The following CEP57L1 variants were observed in gnomAD, a reference collection of about 807,000 sequenced individuals.
CEP57L1 encodes centrosomal protein CEP57L1.
CEP57L1 carries 37 observed loss-of-function variants against 61.0 expected under a neutral mutation model. The observed-to-expected ratio is 0.61, with a 90% CI of 0.47 to 0.80. The LOEUF is 0.80. Among genes scored for constraint, CEP57L1 ranks in the 30% least tolerant of loss-of-function variants. The pLI, the probability that CEP57L1 is intolerant of heterozygous loss-of-function variation, is 0.00. For missense variants in CEP57L1, 422 were observed against 524.7 expected (o/e 0.80, Z 1.91); for synonymous variants, 137 against 162.3 (o/e 0.84, Z 1.19).
Position 109,168,345 on chromosome 6 carries a change from C to T in CEP57L1, c.*5375C>T, listed in dbSNP as rs1225413869. On this transcript the variant is annotated 3_prime_UTR_variant, in exon 11 of 11. Transcript: ENST00000517392. The stretch of plus-strand genomic sequence containing the variant: ...AGTAAATGGAGAAGTGGGGGAAAAT[C>T]AAGCAATAATCACTTAGACTAAAAC... Among the ~76,000 whole-genome samples the T allele has an allele frequency of 6.6e-6, 1 of 152,076 alleles. No individual in the cohort carries two copies. The highest frequency in any genetic ancestry group is 1.5e-5 in the Non-Finnish European group (1 of 68,004).
chr6:109,114,211 C>T (rs919407463), intron 1 of CEP57L1, among the ~76,000 whole-genome samples: 1 of 152,096 alleles, frequency 6.6e-6, no homozygotes, highest in Non-Finnish European at 1.5e-5. Flanking sequence ...ACATCCTTGC[C>T]AACATTTGTT....
chr6:109,116,115 A>ATG (rs1772243070), intron 1 of CEP57L1, among the ~76,000 whole-genome samples: 7 of 146,538 alleles, frequency 4.8e-5, no homozygotes, highest in South Asian at 2.1e-4. Context: ...ATTTTATTTT[A>ATG]TGTTATGTGT....
intron 7 of CEP57L1, chr6:109,158,675 T>C (rs935948513): frequency 2.1e-6 from 1 of 475,008 alleles, no homozygotes; most frequent in Non-Finnish European, 4.2e-6. Flanking sequence ...TGCCAAACTG[T>C]CTTCCAAAAT....
chr6:109,151,583 A>G (rs925367599), intron 4 of CEP57L1, among the ~76,000 whole-genome samples: 27 of 152,198 alleles, frequency 1.8e-4, no homozygotes, highest in Non-Finnish European at 8.8e-5. Context: ...CTTTCAGGAA[A>G]ATTAGGAAAC....
rs545014606 is a variant in CEP57L1 at position 109,159,840 on chromosome 6, A to G, written c.1016+378A>G. 5.3e-5 allele frequency among the ~76,000 whole-genome samples: 8 copies of G among 152,284 alleles called. 1 individual carries two copies. The South Asian group carries it at 1.7e-3, about 32-fold the overall frequency. On this transcript the variant is annotated intron_variant, in intron 9 of 10. Coordinates refer to ENST00000517392, the MANE Select transcript of CEP57L1 (RefSeq NM_001271852.3). ...ATCTGGACTGATAGATATTATTATC[A>G]TTCTAACATACAGGATCTGATGACC...
At chr6:109,112,248 T>A (rs1295000241) in intron 1 of CEP57L1, among the ~76,000 whole-genome samples, 3 of 152,208 alleles carry the variant, frequency 2.0e-5, no homozygotes, top group Non-Finnish European at 2.9e-5. Context: ...TGGTTTAGTC[T>A]TGGGAGGGTG....
rs1030535884 is a variant in CEP57L1, at chr6:109,173,302, C to T, written c.*10332C>T. Among the ~76,000 whole-genome samples, 2 of 151,944 alleles carry T rather than the reference C, an allele frequency of 1.3e-5. No homozygotes were observed. The highest frequency in any genetic ancestry group is 4.8e-5 in the African/African-American group (2 of 41,396). Reference sequence around the variant, plus strand: ...CTGAATCCTAAAAGGTCAGTTGGAACATGAGACCATTTAAAGAATATTATT... The same window carrying T: ...CTGAATCCTAAAAGGTCAGTTGGAATATGAGACCATTTAAAGAATATTATT... On this transcript the variant is annotated 3_prime_UTR_variant, in exon 11 of 11. Coordinates refer to ENST00000517392, the MANE Select transcript of CEP57L1 (RefSeq NM_001271852.3).
chr6:109,095,697 A>T, intron 1 of CEP57L1, 122 bp downstream of exon 1: 4 of 545,412 alleles, frequency 7.3e-6, no homozygotes, highest in Non-Finnish European at 9.4e-6. Context: ...GACTTTTTCC[A>T]GTGACTTGCG....
intron 1 of CEP57L1, chr6:109,140,447 T>G (rs1224854993): frequency 6.6e-6 from 1 of 150,470 alleles, no homozygotes; most frequent in Non-Finnish European, 1.5e-5. Context: ...TCACCCAGGC[T>G]GGAGTACAGT....
rs557844549 is a variant in CEP57L1, at chr6:109,136,700, TTTTTATTTTATTTTATTTTA to T, written c.-3-8475_-3-8456del. On this transcript the variant is annotated intron_variant, in intron 1 of 10. Transcript: ENST00000517392. ...AAAGAAGTCTGCTCTGAAACTTGTA[TTTTTATTTTATTTTATTTTA>T]TTTTATTTTATTTTATTTTATTTTA... Among the ~76,000 whole-genome samples, 275 of 115,858 alleles carry T rather than the reference TTTTTATTTTATTTTATTTTA, an allele frequency of 2.4e-3. 1 individual carries two copies. Among genetic ancestry groups the T allele is most frequent in the Non-Finnish European group, 2.9e-3 (160 of 55,558 alleles). The allele number at this position is 115,858 out of a possible 152,430, so 76.0% of individuals were successfully genotyped here. A position where few individuals can be genotyped will look rare whatever the true frequency, so the allele number is the denominator to read the frequency against.
Position 109,122,815 on chromosome 6 carries a change from A to G in CEP57L1, c.-3-22404A>G, listed in dbSNP as rs1349990602. Among the ~76,000 whole-genome samples the G allele has an allele frequency of 2.6e-5, 4 of 152,076 alleles. No individual in the cohort carries two copies. The East Asian group carries it at 7.7e-4, about 29-fold the overall frequency. On this transcript the variant is annotated intron_variant, in intron 1 of 10. Coordinates refer to ENST00000517392, the MANE Select transcript of CEP57L1 (RefSeq NM_001271852.3). ...GGGTGAGATTTTGTCTCAAAAGAAAAAAAAAGACTCATCAGACACTTACCC... is the reference window on the plus strand; with the variant it reads ...GGGTGAGATTTTGTCTCAAAAGAAAGAAAAAGACTCATCAGACACTTACCC...
intron 4 of CEP57L1, among the ~76,000 whole-genome samples, chr6:109,150,693 C>T (rs930924889): frequency 6.7e-6 from 1 of 149,380 alleles, no homozygotes; most frequent in Admixed American, 6.7e-5. Context: ...ATCTTAAAAG[C>T]ATCCAGAAAA....
chr6:109,119,983 G>A (rs1198731384), intron 1 of CEP57L1, among the ~76,000 whole-genome samples: 2 of 152,100 alleles, frequency 1.3e-5, no homozygotes, highest in Non-Finnish European at 2.9e-5. Context: ...CAAAAATTTG[G>A]ATGAAATATC....
rs75415411 is a variant in CEP57L1, at chr6:109,113,393, C to G, written c.-4+17818C>G. ...TTTATTGAGCCCCTGTGAACACATC[C>G]GAGAGATACATGATGAATAAAATAC... On this transcript the variant is annotated intron_variant, in intron 1 of 10. Transcript: ENST00000517392. Among the ~76,000 whole-genome samples the G allele has an allele frequency of 8.3e-3, 1,258 of 152,042 alleles. 22 individuals are homozygous for G. The highest frequency in any genetic ancestry group is 0.029 in the African/African-American group (1,207 of 41,468).
intron 9 of CEP57L1, 127 bp downstream of exon 9, chr6:109,159,589 A>G (rs1259574591): frequency 9.1e-6 from 7 of 773,070 alleles, no homozygotes; most frequent in Admixed American, 2.8e-5. Flanking sequence ...GATTACAAGC[A>G]TGAGCCACCG....
intron 1 of CEP57L1, among the ~76,000 whole-genome samples, chr6:109,098,161 T>A (rs906830345): frequency 6.6e-6 from 1 of 152,224 alleles, no homozygotes; most frequent in Non-Finnish European, 1.5e-5. Flanking sequence ...TCTCTCCCTC[T>A]GTCTCAACGG....
intron 1 of CEP57L1, among the ~76,000 whole-genome samples, chr6:109,101,956 T>C (rs760843005): frequency 4.6e-5 from 7 of 152,212 alleles, no homozygotes; most frequent in Non-Finnish European, 7.3e-5. Flanking sequence ...CCATTTTCTA[T>C]TTCCCACCAA....
chr6:109,141,277 G>A (rs1305173485), intron 1 of CEP57L1, among the ~76,000 whole-genome samples: 2 of 151,814 alleles, frequency 1.3e-5, no homozygotes, highest in Non-Finnish European at 2.9e-5. Context: ...GTGTAGTGGC[G>A]CAATCTCGGC....
At chr6:109,107,310 T>C (rs1771059935) in intron 1 of CEP57L1, among the ~76,000 whole-genome samples, 1 of 152,196 alleles carries the variant, frequency 6.6e-6, no homozygotes, top group Non-Finnish European at 1.5e-5. Context: ...TGAGCTTGGC[T>C]ATATATTTTT....
Sources: gnomAD v4.1 joint callset for allele counts (sites outside exome capture counted in the v4.1 genomes callset) on GRCh38, gnomAD v4.1.1 for gene constraint, MANE v1.5 for transcripts, NCBI Gene and HGNC (gene_info 2026-07-23, HGNC 2026-07-21) for gene names.